Variants in KCNB2 observed in about 807,000 individuals in gnomAD.
The protein encoded by KCNB2 is potassium voltage-gated channel subfamily B member 2.
KCNB2 carries 15 observed loss-of-function variants against 61.5 expected under a neutral mutation model. That is an observed-to-expected ratio of 0.24 (90% CI 0.16 to 0.38). The LOEUF is 0.38. Among genes scored for constraint, KCNB2 ranks in the 10% least tolerant of loss-of-function variants. The probability of loss-of-function intolerance (pLI) is 1.00; values close to 1 mark genes in which losing one functional copy is unlikely to be tolerated. For synonymous variants in KCNB2, 457 were observed against 446.0 expected, an observed-to-expected ratio of 1.02 and a Z score of -0.31; for missense variants, 828 against 1,125.2, an observed-to-expected ratio of 0.74 and a Z score of 3.78.
At chr8:72,683,863 A>G (rs1323357793) in intron 2 of KCNB2, among the ~76,000 whole-genome samples, 1 of 152,164 alleles carries the variant, frequency 6.6e-6, no homozygotes, top group Non-Finnish European at 1.5e-5. Context: ...ACTCATTAGG[A>G]GGCCACGGAA....
At chr8:72,606,342 A>T (rs1805446515) in intron 2 of KCNB2, among the ~76,000 whole-genome samples, 1 of 152,248 alleles carries the variant, frequency 6.6e-6, no homozygotes, top group South Asian at 2.1e-4. Flanking sequence ...ATATATGTAC[A>T]TACTCATAAT....
At chr8:72,618,811 G>C in intron 2 of KCNB2, 1 of 226,158 alleles carries the variant, frequency 4.4e-6, no homozygotes, top group South Asian at 6.6e-5. Flanking sequence ...ACTTGAGCAA[G>C]AGATGGATTC....
At chr8:72,588,072 G>A (rs1585768811) in intron 2 of KCNB2, among the ~76,000 whole-genome samples, 2 of 152,132 alleles carry the variant, frequency 1.3e-5, no homozygotes, top group East Asian at 1.9e-4. Flanking sequence ...GAACAGAACT[G>A]GCTCTGGAAA....
chr8:72,820,042 C>A (rs1005795939), intron 2 of KCNB2, among the ~76,000 whole-genome samples: 3 of 152,048 alleles, frequency 2.0e-5, no homozygotes, highest in African/African-American at 4.8e-5. Flanking sequence ...TTGTAGGCCC[C>A]CTGACTTCCT....
intron 2 of KCNB2, among the ~76,000 whole-genome samples, chr8:72,901,113 T>G (rs1206075280): frequency 3.9e-5 from 6 of 152,166 alleles, no homozygotes; most frequent in African/African-American, 1.4e-4. Flanking sequence ...ATTTGGGCCC[T>G]CTGCACTCCT....
At chr8:72,745,659 C>T (rs1266575560) in intron 2 of KCNB2, among the ~76,000 whole-genome samples, 1 of 152,064 alleles carries the variant, frequency 6.6e-6, no homozygotes, top group African/African-American at 2.4e-5. Flanking sequence ...CTTCACTGTC[C>T]AGAGTTTTTA....
intron 2 of KCNB2, among the ~76,000 whole-genome samples, chr8:72,933,660 C>G (rs11783254): frequency 0.48 from 73,080 of 152,008 alleles, 18,198 homozygotes; most frequent in East Asian, 0.89. Context: ...GAATATTTTC[C>G]TGGCAGAATA....
intron 2 of KCNB2, among the ~76,000 whole-genome samples, chr8:72,801,217 G>A (rs572224716): frequency 1.2e-4 from 19 of 152,298 alleles, no homozygotes; most frequent in African/African-American, 4.6e-4. Context: ...CTGTTTTACA[G>A]CATAGTAGTC....
At chr8:72,856,730 G>A (rs1202326965) in intron 2 of KCNB2, among the ~76,000 whole-genome samples, 1 of 152,158 alleles carries the variant, frequency 6.6e-6, no homozygotes, top group Non-Finnish European at 1.5e-5. Flanking sequence ...GATGCAGTGG[G>A]TTAAAGAACA....
intron 2 of KCNB2, among the ~76,000 whole-genome samples, chr8:72,927,271 CT>C (rs66960603): frequency 0.085 from 12,677 of 148,844 alleles, 764 homozygotes; most frequent in African/African-American, 0.18. Flanking sequence ...TCTTTTCTTT[CT>C]TTTTTTTTTT....
rs764396272 is a variant in KCNB2, at chr8:72,657,911, A to G, written c.579+89598A>G. Reference sequence around the variant, plus strand: ...CACCCATATAAGACAGAGAATTTAAATGATAAATGTTGTGTGTGTCCTGAC... The same window carrying G: ...CACCCATATAAGACAGAGAATTTAAGTGATAAATGTTGTGTGTGTCCTGAC... On this transcript the variant is annotated intron_variant, in intron 2 of 2. Transcript: ENST00000523207. 1.3e-3 allele frequency among the ~76,000 whole-genome samples: 199 copies of G among 152,186 alleles called. 1 individual carries two copies. The highest frequency in any genetic ancestry group is 2.3e-3 in the Non-Finnish European group (159 of 68,032).
rs79540949 is a variant in KCNB2 at position 72,891,494 on chromosome 8, T to C, written c.580-44441T>C. Among the ~76,000 whole-genome samples, 456 of 152,358 alleles carry C rather than the reference T, an allele frequency of 3.0e-3. 1 individual carries two copies. The highest frequency in any genetic ancestry group is 0.01 in the African/African-American group (435 of 41,578). On this transcript the variant is annotated intron_variant, in intron 2 of 2. Coordinates refer to ENST00000523207, the MANE Select transcript of KCNB2 (RefSeq NM_004770.3). ...GGTCATATGAGGCAGTTCTCTGAAA[T>C]GGTAACCATTCAGCTTAAATTACAA...
intron 2 of KCNB2, among the ~76,000 whole-genome samples, chr8:72,629,761 G>C (rs1053514177): frequency 1.3e-5 from 2 of 152,166 alleles, no homozygotes; most frequent in Non-Finnish European, 2.9e-5. Flanking sequence ...CCTAAGCCAG[G>C]CTCTGTGCTA....
At chr8:72,623,748 T>C (rs1476851200) in intron 2 of KCNB2, among the ~76,000 whole-genome samples, 1 of 152,168 alleles carries the variant, frequency 6.6e-6, no homozygotes, top group Admixed American at 6.5e-5. Context: ...TTAATTCTCA[T>C]GACAACCACT....
In KCNB2 at chr8:72,597,172, C is replaced by T. The variant is rs180821897; in HGVS notation, c.579+28859C>T. ...CTGAGTAGCTGGGACTACAGGCGCA[C>T]GCCACCACACTCAGCTAATTTTCTG... On this transcript the variant is annotated intron_variant, in intron 2 of 2. Coordinates refer to ENST00000523207, the MANE Select transcript of KCNB2 (RefSeq NM_004770.3). 5.2e-3 allele frequency among the ~76,000 whole-genome samples: 792 copies of T among 151,872 alleles called. 8 individuals are homozygous for T. The highest frequency in any genetic ancestry group is 0.018 in the African/African-American group (756 of 41,440).
chr8:72,593,836 T>G (rs1470829032), intron 2 of KCNB2, among the ~76,000 whole-genome samples: 1 of 152,212 alleles, frequency 6.6e-6, no homozygotes, highest in Non-Finnish European at 1.5e-5. Flanking sequence ...ACTTAAATAT[T>G]GAACGAACCA....
chr8:72,615,215 C>T (rs1805598925), intron 2 of KCNB2, among the ~76,000 whole-genome samples: 1 of 152,188 alleles, frequency 6.6e-6, no homozygotes. Context: ...AATCTAGGTT[C>T]CCTTATCTCC....
At chr8:72,926,547 T>C (rs1174892316) in intron 2 of KCNB2, among the ~76,000 whole-genome samples, 1 of 152,130 alleles carries the variant, frequency 6.6e-6, no homozygotes, top group Non-Finnish European at 1.5e-5. Flanking sequence ...TCCCATGACT[T>C]AGATATTAAG....
chr8:72,861,638 T>G (rs1331909914), intron 2 of KCNB2, among the ~76,000 whole-genome samples: 1 of 152,180 alleles, frequency 6.6e-6, no homozygotes, highest in Non-Finnish European at 1.5e-5. Flanking sequence ...TCACCCAGCC[T>G]GCCTGCAGCA....
Sources: allele counts gnomAD v4.1 joint callset (sites outside exome capture counted in the v4.1 genomes callset), GRCh38; gene constraint gnomAD v4.1.1; transcripts MANE v1.5; gene names NCBI Gene and HGNC (gene_info 2026-07-23, HGNC 2026-07-21).